THSD4: variants seen among roughly 807,000 people sequenced by gnomAD.
THSD4 encodes thrombospondin type 1 domain containing 4, also known as thrombospondin type-1 domain-containing protein 4.
A neutral mutation model predicts 119.0 loss-of-function variants in THSD4; 69 were observed. That is an observed-to-expected ratio of 0.58 (90% CI 0.48 to 0.71). The LOEUF (loss-of-function observed/expected upper bound fraction) is 0.71, where lower values mean the gene tolerates loss of function less well. Ranked by LOEUF, THSD4 falls within the 30% of genes least tolerant of loss-of-function variation. The probability of loss-of-function intolerance (pLI) is 0.00; values close to 1 mark genes in which losing one functional copy is unlikely to be tolerated. For missense variants in THSD4, 1,393 were observed against 1,391.1 expected (o/e 1.00, Z -0.02); for synonymous variants, 524 against 540.4 (o/e 0.97, Z 0.42).
chr15:71,222,546 G>A (rs188376563), intron 4 of THSD4, among the ~76,000 whole-genome samples: 1 of 152,212 alleles, frequency 6.6e-6, no homozygotes, highest in Non-Finnish European at 1.5e-5. Context: ...GGATATGAAA[G>A]CCTCAACTAT....
rs147490040 is a variant in THSD4 at position 71,461,494 on chromosome 15, G to A, written c.1152+49671G>A. ...GAGCTGGGTCAGCACACCCTCGATG[G>A]CCCTTCAGCACTTTCAGTCTCCTCT... is the stretch of plus-strand genomic sequence containing the variant. On this transcript the variant is annotated intron_variant, in intron 7 of 17. Transcript: ENST00000261862. 3.6e-3 allele frequency among the ~76,000 whole-genome samples: 546 copies of A among 152,236 alleles called. 2 individuals are homozygous for A. Among genetic ancestry groups the A allele is most frequent in the African/African-American group, 0.012 (513 of 41,540 alleles).
At chr15:71,380,274 G>T (rs185953071) in intron 6 of THSD4, among the ~76,000 whole-genome samples, 9 of 152,072 alleles carry the variant, frequency 5.9e-5, no homozygotes, top group African/African-American at 1.9e-4. Context: ...TCAAAACTTT[G>T]GGCATTGGTG....
At chr15:71,422,215 A>G (rs1002723860) in intron 7 of THSD4, among the ~76,000 whole-genome samples, 1 of 152,002 alleles carries the variant, frequency 6.6e-6, no homozygotes, top group Non-Finnish European at 1.5e-5. Flanking sequence ...ATGCTTGTGG[A>G]TGTTCACTGG....
intron 8 of THSD4, among the ~76,000 whole-genome samples, chr15:71,673,995 C>T (rs2051587529): frequency 6.6e-6 from 1 of 152,192 alleles, no homozygotes; most frequent in Non-Finnish European, 1.5e-5. Context: ...ATGGCTTTTG[C>T]ACCCAACTGT....
chr15:71,312,221 G>C (rs371611527), intron 6 of THSD4, among the ~76,000 whole-genome samples: 3 of 152,106 alleles, frequency 2.0e-5, no homozygotes, highest in African/African-American at 7.2e-5. Flanking sequence ...CCAGCTACTA[G>C]GGAGGCTGAG....
At chr15:71,472,551 C>A (rs1042208491) in intron 7 of THSD4, among the ~76,000 whole-genome samples, 4 of 152,132 alleles carry the variant, frequency 2.6e-5, no homozygotes, top group Admixed American at 2.0e-4. Context: ...TTTCTTTGCT[C>A]TTCTTAGAGA....
intron 6 of THSD4, among the ~76,000 whole-genome samples, chr15:71,364,253 C>T (rs2045928578): frequency 6.6e-6 from 1 of 152,204 alleles, no homozygotes; most frequent in Non-Finnish European, 1.5e-5. Flanking sequence ...CAGCCTGCTA[C>T]CCATCGTTCT....
intron 7 of THSD4, among the ~76,000 whole-genome samples, chr15:71,590,722 G>A (rs182741069): frequency 1.2e-4 from 18 of 152,204 alleles, no homozygotes; most frequent in Middle Eastern, 3.4e-3. Flanking sequence ...GCTGAAGAAG[G>A]GACAGGCACG....
At chr15:71,603,415 C>T (rs1464163572) in intron 7 of THSD4, among the ~76,000 whole-genome samples, 1 of 152,222 alleles carries the variant, frequency 6.6e-6, no homozygotes, top group Admixed American at 6.5e-5. Context: ...ACCCCGTTCT[C>T]CCAGTGCAGA....
chr15:71,166,905 A>T (rs953149841), intron 3 of THSD4: 2 of 152,242 alleles, frequency 1.3e-5, no homozygotes, highest in Non-Finnish European at 2.9e-5. Context: ...ACTTTGTAGT[A>T]GAAAGATAGA....
intron 7 of THSD4, among the ~76,000 whole-genome samples, chr15:71,638,286 T>C (rs7181628): frequency 0.26 from 39,068 of 151,892 alleles, 5,684 homozygotes; most frequent in East Asian, 0.62. Context: ...GGGTTATATT[T>C]CCAGAAGTCT....
At chr15:71,727,571 TATATATATATATATATACAC>T (rs1567121992) in intron 8 of THSD4, among the ~76,000 whole-genome samples, 886 of 33,630 alleles carry the variant, frequency 0.026, 8 homozygotes, top group South Asian at 0.098. Flanking sequence ...TATATATATA[TATATATATATATATATACAC>T]ACACACACAC....
intron 3 of THSD4, among the ~76,000 whole-genome samples, chr15:71,180,971 G>A (rs4777336): frequency 0.87 from 132,029 of 152,142 alleles, 59,979 homozygotes; most frequent in East Asian, 1. Flanking sequence ...GAAGAAGACA[G>A]TGCAGTGAAT....
intron 1 of THSD4, among the ~76,000 whole-genome samples, chr15:71,137,371 G>C (rs1220296840): frequency 6.6e-6 from 1 of 152,134 alleles, no homozygotes; most frequent in African/African-American, 2.4e-5. Context: ...GATAATGTTT[G>C]GCTTTGCCTT....
intron 6 of THSD4, chr15:71,341,542 A>G (rs2045577167): frequency 4.3e-6 from 7 of 1,610,396 alleles, no homozygotes; most frequent in Non-Finnish European, 5.9e-6. Flanking sequence ...GGAATGGTAC[A>G]CACTGTTTCT....
At chr15:71,759,518 T>A (rs953432474) in intron 15 of THSD4, among the ~76,000 whole-genome samples, 3 of 152,222 alleles carry the variant, frequency 2.0e-5, no homozygotes, top group Non-Finnish European at 2.9e-5. Flanking sequence ...TAATAAATAT[T>A]GGTTCCCATC....
At position 71,748,403 on chromosome 15, in the gene THSD4, C is replaced by T; in HGVS notation, c.2242-18C>T. ...CTGAAGCTGCTGGTTCCCCTGACGT[C>T]AGTGTGCTGTGTTTCAGTGCTCGGT... On this transcript the variant is annotated intron_variant, in intron 13 of 17. Transcript: ENST00000261862. The T allele has an allele frequency of 6.2e-7, 1 of 1,613,528 alleles. No homozygotes were observed. Among genetic ancestry groups the T allele is most frequent in the Non-Finnish European group, 8.5e-7 (1 of 1,179,628 alleles).
At chr15:71,721,506 TAAAA>T (rs56273435) in intron 8 of THSD4, among the ~76,000 whole-genome samples, 47 of 143,906 alleles carry the variant, frequency 3.3e-4, no homozygotes, top group African/African-American at 1.2e-3. Context: ...GATTCTGTCT[TAAAA>T]AAAAAAAAAA....
intron 14 of THSD4, 40 bp downstream of exon 14, chr15:71,748,634 T>C: frequency 6.2e-7 from 1 of 1,605,806 alleles, no homozygotes. Context: ...GACCGAGGTC[T>C]GCCAGGTGCC....
Sources: gnomAD v4.1 joint callset for allele counts (sites outside exome capture counted in the v4.1 genomes callset) on GRCh38, gnomAD v4.1.1 for gene constraint, MANE v1.5 for transcripts, NCBI Gene and HGNC (gene_info 2026-07-23, HGNC 2026-07-21) for gene names.